Variants in NSG1 observed in about 807,000 individuals in gnomAD.
The protein encoded by NSG1 is neuronal vesicle trafficking-associated protein 1.
Under a neutral mutation model 19.3 loss-of-function variants are expected in NSG1, and 9 were observed. That is an observed-to-expected ratio of 0.47 (90% confidence interval 0.28 to 0.81). NSG1 has a LOEUF of 0.81. Among genes scored for constraint, NSG1 ranks in the 40% least tolerant of loss-of-function variants. The probability of loss-of-function intolerance (pLI) is 0.11; values close to 1 mark genes in which losing one functional copy is unlikely to be tolerated. For synonymous variants in NSG1, 104 were observed against 107.0 expected, an observed-to-expected ratio of 0.97 and a Z score of 0.17; for missense variants, 236 against 242.4, an observed-to-expected ratio of 0.97 and a Z score of 0.18.
intron 4 of NSG1, among the ~76,000 whole-genome samples, chr4:4,410,554 T>C (rs1724120120): frequency 6.6e-6 from 1 of 152,194 alleles, no homozygotes; most frequent in African/African-American, 2.4e-5. Flanking sequence ...CTGAACAATG[T>C]AGGCAGTTGT....
intron 3 of NSG1, among the ~76,000 whole-genome samples, chr4:4,405,468 G>A (rs1723802361): frequency 6.6e-6 from 1 of 152,208 alleles, no homozygotes; most frequent in African/African-American, 2.4e-5. Flanking sequence ...GCGTCAGGGT[G>A]TAAGGCATGG....
chr4:4,404,494 C>A (rs1199893780), intron 3 of NSG1, among the ~76,000 whole-genome samples: 1 of 144,178 alleles, frequency 6.9e-6, no homozygotes, highest in African/African-American at 2.9e-5. Context: ...GGAACCCGGG[C>A]TTATCTCACT....
chr4:4,396,024 A>G (rs1171934333), intron 3 of NSG1, among the ~76,000 whole-genome samples: 1 of 152,180 alleles, frequency 6.6e-6, no homozygotes, highest in African/African-American at 2.4e-5. Context: ...ACTCCGCCAC[A>G]CGGGATGGCA....
chr4:4,395,655 G>A (rs1464698704), intron 3 of NSG1, among the ~76,000 whole-genome samples: 3 of 152,108 alleles, frequency 2.0e-5, no homozygotes, highest in African/African-American at 7.2e-5. Flanking sequence ...CCCTGCCAGG[G>A]CCCAGTCGAA....
At position 4,402,388 on chromosome 4, in the gene NSG1, T is replaced by A. The variant is rs1181565464; in HGVS notation, c.247-7185T>A. 8.9e-5 allele frequency among the ~76,000 whole-genome samples: 9 copies of A among 101,274 alleles called. No homozygotes were observed. In the South Asian group the frequency reaches 1.0e-3, roughly 11 times the overall value. The allele number at this position is 101,274 out of a possible 152,430, so 66.4% of individuals were successfully genotyped here. A position where few individuals can be genotyped will look rare whatever the true frequency, so the allele number is the denominator to read the frequency against. ...GCCTGGTTATTTTTTTTTTTTTTTT[T>A]TTTTTTTTTTTTTTTTTGAGACGGA... On this transcript the variant is annotated intron_variant, in intron 3 of 4. Transcript: ENST00000621129.
intron 4 of NSG1, chr4:4,415,846 G>T: frequency 2.1e-6 from 1 of 482,978 alleles, no homozygotes; most frequent in Non-Finnish European, 3.7e-6. Flanking sequence ...GGAGAGGACA[G>T]CGTGAAGGGG....
At chr4:4,413,820 G>A (rs946815101) in intron 4 of NSG1, among the ~76,000 whole-genome samples, 11 of 152,074 alleles carry the variant, frequency 7.2e-5, no homozygotes, top group Admixed American at 3.3e-4. Flanking sequence ...TGCAGTGGCT[G>A]AGGGAAGAGA....
chr4:4,403,379 C>T (rs926659701), intron 3 of NSG1, among the ~76,000 whole-genome samples: 2 of 152,320 alleles, frequency 1.3e-5, no homozygotes, highest in Middle Eastern at 3.4e-3. Flanking sequence ...GTTTCCCTGC[C>T]GCTTCTGTCT....
chr4:4,391,496 G>A lies in NSG1; in HGVS notation c.151G>A (p.Glu51Lys), dbSNP rs189494221. The A allele has an allele frequency of 2.0e-5, 32 of 1,611,282 alleles. No individual in the cohort carries two copies. The highest frequency in any genetic ancestry group is 2.2e-5 in the South Asian group (2 of 90,786). Residue 51 changes from glutamate to lysine, a missense_variant, in exon 3 of 5, where the codon GAG becomes AAG. By Grantham distance (56) the Glu-to-Lys change is moderately conservative. Transcript: ENST00000621129. The stretch of plus-strand genomic sequence containing the variant: ...TAAGGTGGTCGTGAAAACTAAGACC[G>A]AGTATGAACCTGACCGCAAGAAAGG... The part of the protein sequence containing the change: ...PDKVVVKTKT[E>K]YEPDRKKGKA...
At position 4,387,591 on chromosome 4, in the gene NSG1, C is replaced by T. The variant is rs1722794576; in HGVS notation, c.-26-13C>T. On this transcript the variant is annotated splice_polypyrimidine_tract_variant and intron_variant, in intron 1 of 4. Coordinates refer to ENST00000621129, the MANE Select transcript of NSG1 (RefSeq NM_014392.5). ...CTTGCTTGTGGTGACTCCCCCCGGC[C>T]CTCCCGCCGCAGGCTGCAGCCTCGG... The T allele has an allele frequency of 3.8e-6, 6 of 1,593,752 alleles. No homozygotes were observed. In the African/African-American group the frequency reaches 5.4e-5, roughly 14 times the overall value.
At chr4:4,390,714 C>T (rs775475561) in intron 2 of NSG1, among the ~76,000 whole-genome samples, 1 of 152,170 alleles carries the variant, frequency 6.6e-6, no homozygotes, top group Non-Finnish European at 1.5e-5. Context: ...AGTAAACAGT[C>T]CCTGGCAACG....
At chr4:4,411,068 C>T (rs1724152847) in intron 4 of NSG1, among the ~76,000 whole-genome samples, 1 of 152,092 alleles carries the variant, frequency 6.6e-6, no homozygotes, top group African/African-American at 2.4e-5. Context: ...GTTGGCTAGG[C>T]CGGTCTCGAA....
chr4:4,402,368 G>GTTTTTTTTTTT (rs1560143233), intron 3 of NSG1, among the ~76,000 whole-genome samples: 47 of 99,632 alleles, frequency 4.7e-4, no homozygotes, highest in African/African-American at 1.9e-3. Context: ...ACCACGCCTG[G>GTTTTTTTTTTT]TTATTTTTTT....
At chr4:4,395,580 T>C (rs1434195070) in intron 3 of NSG1, among the ~76,000 whole-genome samples, 2 of 152,156 alleles carry the variant, frequency 1.3e-5, no homozygotes, top group African/African-American at 2.4e-5. Context: ...GAGCAGGCTA[T>C]GCTGGAGACA....
intron 1 of NSG1, among the ~76,000 whole-genome samples, 172 bp from the exon 2 acceptor site, chr4:4,387,432 C>A (rs1722778244): frequency 1.3e-5 from 2 of 152,170 alleles, no homozygotes; most frequent in South Asian, 4.1e-4. Flanking sequence ...CACAGCACCA[C>A]CCGACCCCCG....
At chr4:4,397,918 C>T (rs1436397236) in intron 3 of NSG1, among the ~76,000 whole-genome samples, 3 of 152,040 alleles carry the variant, frequency 2.0e-5, no homozygotes, top group Admixed American at 6.6e-5. Context: ...ACCAGCCTCC[C>T]GCCTCTCTCC....
At chr4:4,404,917 G>A (rs944781502) in intron 3 of NSG1, among the ~76,000 whole-genome samples, 9 of 152,256 alleles carry the variant, frequency 5.9e-5, no homozygotes, top group Non-Finnish European at 1.2e-4. Flanking sequence ...GGGCAGGGCA[G>A]CCTGGCATGG....
At chr4:4,414,811 C>T (rs1724428208) in intron 4 of NSG1, among the ~76,000 whole-genome samples, 1 of 152,056 alleles carries the variant, frequency 6.6e-6, no homozygotes, top group African/African-American at 2.4e-5. Flanking sequence ...AGGGCAGGGA[C>T]CTCAGAGCCC....
intron 3 of NSG1, among the ~76,000 whole-genome samples, chr4:4,407,790 T>C (rs11727734): frequency 0.21 from 32,501 of 152,008 alleles, 4,505 homozygotes; most frequent in African/African-American, 0.4. Flanking sequence ...GGAAGGAGTC[T>C]GTGGCTCAGA....
Sources: gnomAD v4.1 joint callset for allele counts (sites outside exome capture counted in the v4.1 genomes callset) on GRCh38, gnomAD v4.1.1 for gene constraint, MANE v1.5 for transcripts, NCBI Gene and HGNC (gene_info 2026-07-23, HGNC 2026-07-21) for gene names.